SPOCK1: variants seen among roughly 807,000 people sequenced by gnomAD.
SPOCK1 encodes testican-1.
Under a neutral mutation model 55.3 loss-of-function variants are expected in SPOCK1, and 23 were observed. That is an observed-to-expected ratio of 0.42 (90% CI 0.30 to 0.59). The LOEUF is 0.59. Ranked by LOEUF, SPOCK1 falls within the 20% of genes least tolerant of loss-of-function variation. The pLI, the probability that SPOCK1 is intolerant of heterozygous loss-of-function variation, is 0.22. For synonymous variants in SPOCK1, 226 were observed against 221.0 expected, an observed-to-expected ratio of 1.02 and a Z score of -0.20; for missense variants, 499 against 552.5, an observed-to-expected ratio of 0.90 and a Z score of 0.97.
chr5:137,226,263 C>A lies in SPOCK1; in HGVS notation c.232+40747G>T, dbSNP rs148754916. ...CCTCATGACATGAAGAAAACGATGGCAGACATTTCCAGTAGAAATGCCACT... is the reference window on the plus strand; with the variant it reads ...CCTCATGACATGAAGAAAACGATGGAAGACATTTCCAGTAGAAATGCCACT... On this transcript the variant is annotated intron_variant, in intron 3 of 10. Coordinates refer to ENST00000394945, the MANE Select transcript of SPOCK1 (RefSeq NM_004598.4). 9.5e-3 allele frequency among the ~76,000 whole-genome samples: 1,444 copies of A among 152,298 alleles called. 18 individuals carry two copies. The highest frequency in any genetic ancestry group is 0.032 in the African/African-American group (1,339 of 41,564).
rs1012782989 is a variant in SPOCK1 at position 137,256,801 on chromosome 5, C to T, written c.232+10209G>A. On this transcript the variant is annotated intron_variant, in intron 3 of 10. Transcript: ENST00000394945. ...CACCAAGTCAGAGGGACCCCAAGGA[C>T]GCATCAACCTCCAGCGCACGCGTGC... Among the ~76,000 whole-genome samples, 9 of 152,180 alleles carry T rather than the reference C, an allele frequency of 5.9e-5. 1 individual carries two copies. Among genetic ancestry groups the T allele is most frequent in the African/African-American group, 1.9e-4 (8 of 41,506 alleles).
intron 2 of SPOCK1, among the ~76,000 whole-genome samples, chr5:137,274,182 T>C (rs1757019952): frequency 6.6e-6 from 1 of 152,214 alleles, no homozygotes; most frequent in Admixed American, 6.5e-5. Flanking sequence ...GGCCAAGACA[T>C]GTGTTGTCTC....
At chr5:137,362,064 A>G (rs981019455) in intron 2 of SPOCK1, among the ~76,000 whole-genome samples, 5 of 152,160 alleles carry the variant, frequency 3.3e-5, no homozygotes, top group Admixed American at 3.3e-4. Context: ...ACTACGAGGG[A>G]TCAAGAGACC....
intron 6 of SPOCK1, chr5:136,992,858 C>A: frequency 2.8e-6 from 1 of 360,972 alleles, no homozygotes; most frequent in Admixed American, 4.5e-5. Flanking sequence ...AAGCAAGCTG[C>A]AGTGGTCTCA....
chr5:137,180,069 G>A (rs904474902), intron 3 of SPOCK1, among the ~76,000 whole-genome samples: 3 of 152,080 alleles, frequency 2.0e-5, no homozygotes, highest in African/African-American at 7.2e-5. Context: ...CTTGCCTAAG[G>A]TCACACAGCC....
rs114796972 is a variant in SPOCK1, at chr5:137,496,958, C to T, written c.186+1415G>A. 2.5e-3 allele frequency among the ~76,000 whole-genome samples: 379 copies of T among 152,304 alleles called. 1 individual carries two copies. Among genetic ancestry groups the T allele is most frequent in the African/African-American group, 8.5e-3 (352 of 41,558 alleles). ...TTTGAAATCCCCTTTCCAAGAGAAGCAGTCCAACATCAACTAGAAAAAAGA... is the reference window on the plus strand; with the variant it reads ...TTTGAAATCCCCTTTCCAAGAGAAGTAGTCCAACATCAACTAGAAAAAAGA... On this transcript the variant is annotated intron_variant, in intron 2 of 10. Transcript: ENST00000394945.
At chr5:137,078,610 A>G (rs779428780) in intron 5 of SPOCK1, among the ~76,000 whole-genome samples, 2 of 152,164 alleles carry the variant, frequency 1.3e-5, no homozygotes, top group Non-Finnish European at 2.9e-5. Context: ...GTCAATTTAC[A>G]TAACCTGTCC....
chr5:137,044,367 C>T (rs1170847039), intron 6 of SPOCK1, among the ~76,000 whole-genome samples: 1 of 152,022 alleles, frequency 6.6e-6, no homozygotes, highest in Non-Finnish European at 1.5e-5. Flanking sequence ...TTAACCAAAG[C>T]ATTAAGACAC....
chr5:137,423,420 G>A (rs191181075), intron 2 of SPOCK1, among the ~76,000 whole-genome samples: 159 of 152,316 alleles, frequency 1.0e-3, no homozygotes, highest in African/African-American at 3.2e-3. Context: ...CTTGAGCTGC[G>A]GTGGGCTCCA....
chr5:137,260,628 A>C (rs559683741), intron 3 of SPOCK1, among the ~76,000 whole-genome samples: 1 of 152,352 alleles, frequency 6.6e-6, no homozygotes, highest in South Asian at 2.1e-4. Flanking sequence ...TTATTCTCTA[A>C]AATAAGCAAA....
intron 3 of SPOCK1, among the ~76,000 whole-genome samples, chr5:137,146,731 T>G (rs1160309486): frequency 2.6e-5 from 4 of 152,126 alleles, no homozygotes; most frequent in Non-Finnish European, 4.4e-5. Context: ...GCCCATAGGA[T>G]TTTTGCTGTA....
chr5:137,192,232 CAA>C (rs60401497), intron 3 of SPOCK1, among the ~76,000 whole-genome samples: 4,604 of 67,926 alleles, frequency 0.068, 78 homozygotes, highest in East Asian at 0.15. Context: ...GACTCTGTCT[CAA>C]AAAAAAAAAA....
intron 1 of SPOCK1, 166 bp from the exon 2 acceptor site, chr5:137,498,724 C>G: frequency 2.8e-6 from 1 of 362,498 alleles, no homozygotes; most frequent in Non-Finnish European, 4.3e-6. Context: ...CCAGGGACCC[C>G]TCTCACGAAT....
intron 2 of SPOCK1, among the ~76,000 whole-genome samples, chr5:137,293,183 C>T (rs964709149): frequency 2.1e-5 from 3 of 139,836 alleles, no homozygotes; most frequent in African/African-American, 8.0e-5. Context: ...AATAAACGAA[C>T]ACACAGCACC....
At chr5:137,431,809 C>T (rs1752750732) in intron 2 of SPOCK1, among the ~76,000 whole-genome samples, 1 of 152,180 alleles carries the variant, frequency 6.6e-6, no homozygotes. Context: ...GAAACCAAGG[C>T]CATGCCATTG....
At chr5:137,097,289 C>T (rs1351259274) in intron 5 of SPOCK1, among the ~76,000 whole-genome samples, 1 of 152,100 alleles carries the variant, frequency 6.6e-6, no homozygotes, top group Non-Finnish European at 1.5e-5. Flanking sequence ...AGTTCTAAGC[C>T]CAGTTTTCTG....
chr5:137,226,895 T>G (rs2916626), intron 3 of SPOCK1, among the ~76,000 whole-genome samples: 146,432 of 152,320 alleles, frequency 0.96, 70,434 homozygotes, highest in African/African-American at 0.99. Context: ...GAGGCCAAGA[T>G]CCATATCTAA....
At chr5:137,221,598 A>T (rs1211062814) in intron 3 of SPOCK1, among the ~76,000 whole-genome samples, 2 of 152,214 alleles carry the variant, frequency 1.3e-5, no homozygotes, top group African/African-American at 4.8e-5. Context: ...GACTGAGATG[A>T]CAATAGATTC....
At chr5:137,364,291 G>A (rs183215322) in intron 2 of SPOCK1, among the ~76,000 whole-genome samples, 1 of 152,290 alleles carries the variant, frequency 6.6e-6, no homozygotes, top group Admixed American at 6.5e-5. Context: ...CAAAGCTAGA[G>A]GCAATGATGT....
Sources: gnomAD v4.1 joint callset for allele counts (sites outside exome capture counted in the v4.1 genomes callset) on GRCh38, gnomAD v4.1.1 for gene constraint, MANE v1.5 for transcripts, NCBI Gene and HGNC (gene_info 2026-07-23, HGNC 2026-07-21) for gene names.